SDCCAG8: variants seen among roughly 807,000 people sequenced by gnomAD.
The protein encoded by SDCCAG8 is SHH signaling and ciliogenesis regulator SDCCAG8.
A neutral mutation model predicts 101.8 loss-of-function variants in SDCCAG8; 74 were observed. The observed-to-expected ratio is 0.73, with a 90% CI of 0.60 to 0.88. The LOEUF (loss-of-function observed/expected upper bound fraction) is 0.88. SDCCAG8 is among the 40% of genes least tolerant of loss of function. The pLI is 0.00. For synonymous variants in SDCCAG8, 281 were observed against 292.9 expected (o/e 0.96, Z 0.41); for missense variants, 787 against 822.6 (o/e 0.96, Z 0.53).
At chr1:243,465,717 G>A (rs1279245600) in intron 16 of SDCCAG8, among the ~76,000 whole-genome samples, 2 of 152,180 alleles carry the variant, frequency 1.3e-5, no homozygotes, top group African/African-American at 4.8e-5. Context: ...AATAAACAGA[G>A]CTTTGTCTGG....
At chr1:243,305,401 T>C (rs1016198628) in intron 7 of SDCCAG8, 8 of 152,148 alleles carry the variant, frequency 5.3e-5, no homozygotes, top group African/African-American at 1.9e-4. Context: ...ACTTTAGTTT[T>C]CAAATTATTA....
At chr1:243,290,910 C>A (rs2070186451) in intron 5 of SDCCAG8, among the ~76,000 whole-genome samples, 2 of 152,190 alleles carry the variant, frequency 1.3e-5, no homozygotes, top group Admixed American at 6.5e-5. Context: ...GTGTGTCTCC[C>A]TTATTAGACT....
At chr1:243,351,099 C>T (rs2076060371) in intron 12 of SDCCAG8, among the ~76,000 whole-genome samples, 1 of 152,204 alleles carries the variant, frequency 6.6e-6, no homozygotes, top group Non-Finnish European at 1.5e-5. Flanking sequence ...AAGAGCCAGA[C>T]TTCAGAAACT....
intron 16 of SDCCAG8, among the ~76,000 whole-genome samples, chr1:243,441,295 A>T (rs1169230587): frequency 2.0e-5 from 3 of 152,148 alleles, no homozygotes; most frequent in Middle Eastern, 3.2e-3. Context: ...GGTACAGGGG[A>T]TGGATGGGTA....
intron 13 of SDCCAG8, among the ~76,000 whole-genome samples, chr1:243,406,886 T>C (rs2079824985): frequency 6.6e-6 from 1 of 152,206 alleles, no homozygotes; most frequent in Admixed American, 6.5e-5. Context: ...ATTCTTTGTA[T>C]GGCAGATTAC....
At chr1:243,292,390 C>G (rs562024232) in intron 5 of SDCCAG8, among the ~76,000 whole-genome samples, 172 of 152,262 alleles carry the variant, frequency 1.1e-3, no homozygotes, top group African/African-American at 4.1e-3. Flanking sequence ...TGTCAGAAAC[C>G]CGGGACTAAG....
intron 16 of SDCCAG8, among the ~76,000 whole-genome samples, chr1:243,435,818 ATC>A (rs2082090136): frequency 6.6e-6 from 1 of 152,140 alleles, no homozygotes; most frequent in South Asian, 2.1e-4. Context: ...AGAGGGATAT[ATC>A]TATCTAGTTG....
chr1:243,295,843 A>G (rs559473983), intron 6 of SDCCAG8, among the ~76,000 whole-genome samples: 4 of 152,090 alleles, frequency 2.6e-5, no homozygotes, highest in East Asian at 3.9e-4. Context: ...GTTTATGACT[A>G]TTGGAGACTC....
intron 8 of SDCCAG8, among the ~76,000 whole-genome samples, chr1:243,313,047 G>C (rs771577124): frequency 1.3e-5 from 2 of 152,168 alleles, no homozygotes; most frequent in Non-Finnish European, 2.9e-5. Flanking sequence ...CAGTACCTTG[G>C]AGAAGTTTAT....
chr1:243,490,671 G>A (rs1480034841), intron 17 of SDCCAG8, among the ~76,000 whole-genome samples: 2 of 152,244 alleles, frequency 1.3e-5, no homozygotes, highest in African/African-American at 4.8e-5. Flanking sequence ...TGCCCCACGG[G>A]CCCTTGGGCA....
chr1:243,375,587 C>G (rs1250990820), intron 12 of SDCCAG8, among the ~76,000 whole-genome samples: 1 of 152,114 alleles, frequency 6.6e-6, no homozygotes, highest in Non-Finnish European at 1.5e-5. Context: ...TTGAAAGATA[C>G]CTTTTGATAA....
intron 12 of SDCCAG8, among the ~76,000 whole-genome samples, chr1:243,357,013 T>C (rs2076422546): frequency 6.7e-6 from 1 of 150,116 alleles, no homozygotes; most frequent in African/African-American, 2.5e-5. Flanking sequence ...AATAATAATA[T>C]ATAATAATAA....
At chr1:243,272,036 C>T (rs1403400069) in intron 3 of SDCCAG8, among the ~76,000 whole-genome samples, 1 of 152,026 alleles carries the variant, frequency 6.6e-6, no homozygotes, top group African/African-American at 2.4e-5. Context: ...GCACTCTGGA[C>T]CAGATTTAAG....
intron 8 of SDCCAG8, among the ~76,000 whole-genome samples, chr1:243,311,977 C>T (rs1361409997): frequency 6.6e-6 from 1 of 152,202 alleles, no homozygotes; most frequent in Non-Finnish European, 1.5e-5. Flanking sequence ...AAGTAAATGT[C>T]AACCTACTTA....
intron 1 of SDCCAG8, chr1:243,267,605 G>GA (rs113992307): frequency 0.21 from 92,459 of 444,542 alleles, 21 homozygotes; most frequent in South Asian, 0.27. Context: ...TCCCTCTCAA[G>GA]AAAAAAAAAA....
At chr1:243,442,931 T>A (rs974177096) in intron 16 of SDCCAG8, among the ~76,000 whole-genome samples, 1 of 152,234 alleles carries the variant, frequency 6.6e-6, no homozygotes, top group Non-Finnish European at 1.5e-5. Context: ...CCTTTCCCAA[T>A]AATTGAGACA....
intron 13 of SDCCAG8, 109 bp from the exon 14 acceptor site, chr1:243,415,593 T>C (rs2080518829): frequency 1.3e-6 from 2 of 1,491,268 alleles, no homozygotes; most frequent in Admixed American, 1.7e-5. Context: ...CTTGTCTTCT[T>C]ATGCTTAACA....
chr1:243,491,778 G>C (rs554367873), intron 17 of SDCCAG8, among the ~76,000 whole-genome samples: 8 of 152,222 alleles, frequency 5.3e-5, no homozygotes, highest in Non-Finnish European at 1.0e-4. Context: ...CACCCTCTCT[G>C]TTTTCCTGGA....
At chr1:243,452,550 G>A (rs1251085383) in intron 16 of SDCCAG8, among the ~76,000 whole-genome samples, 2 of 149,342 alleles carry the variant, frequency 1.3e-5, no homozygotes, top group Admixed American at 6.8e-5. Context: ...AGCTTTTTGA[G>A]TAGCTGAGAC....
Sources: allele counts gnomAD v4.1 joint callset (sites outside exome capture counted in the v4.1 genomes callset), GRCh38; gene constraint gnomAD v4.1.1; transcripts MANE v1.5; gene names NCBI Gene and HGNC (gene_info 2026-07-23, HGNC 2026-07-21).